The following VPS37A variants were observed in gnomAD, a reference collection of about 807,000 sequenced individuals.
VPS37A encodes the protein VPS37A subunit of ESCRT-I, also known as vacuolar protein sorting-associated protein 37A.
VPS37A carries 30 observed loss-of-function variants against 49.8 expected under a neutral mutation model. The ratio of observed to expected loss-of-function variants is 0.60; its 90% confidence interval spans 0.45 to 0.82. The LOEUF (loss-of-function observed/expected upper bound fraction) is 0.82, where lower values mean the gene tolerates loss of function less well. Ranked by LOEUF, VPS37A falls within the 40% of genes least tolerant of loss-of-function variation. The pLI is 0.00. For synonymous variants in VPS37A, 195 were observed against 160.6 expected (o/e 1.21, Z -1.62); for missense variants, 593 against 464.4 (o/e 1.28, Z -2.55).
intron 9 of VPS37A, among the ~76,000 whole-genome samples, chr8:17,282,991 T>G (rs1815231134): frequency 6.6e-6 from 1 of 152,332 alleles, no homozygotes; most frequent in Middle Eastern, 3.4e-3. Flanking sequence ...CTGGAAACTT[T>G]GGAAAATATG....
At chr8:17,257,993 A>C (rs578240195) in intron 1 of VPS37A, among the ~76,000 whole-genome samples, 1 of 152,216 alleles carries the variant, frequency 6.6e-6, no homozygotes, top group South Asian at 2.1e-4. Context: ...GTATCCTGCA[A>C]CTTTACTGAA....
intron 1 of VPS37A, among the ~76,000 whole-genome samples, chr8:17,258,728 C>T (rs768220792): frequency 6.6e-6 from 1 of 151,954 alleles, no homozygotes; most frequent in Non-Finnish European, 1.5e-5. Context: ...AATTCACCAG[C>T]GAAGCTATCA....
chr8:17,305,975 A>C, downstream of VPS37A: 1 of 1,585,336 alleles, frequency 6.3e-7, no homozygotes, highest in Non-Finnish European at 8.6e-7. Context: ...ACAAAGCATT[A>C]GAGACTTTTT....
chr8:17,273,258 A>C lies in VPS37A; in HGVS notation c.417-1475A>C, dbSNP rs185388053. ...GCCGTCAGTGCTGCTCCAGTAAATA[A>C]TCTTTAAAATAATATTTTACCCAAA... On this transcript the variant is annotated intron_variant, in intron 4 of 11. Transcript: ENST00000324849. Among the ~76,000 whole-genome samples the C allele has an allele frequency of 1.8e-3, 278 of 152,052 alleles. 2 individuals carry two copies. The highest frequency in any genetic ancestry group is 7.1e-3 in the Admixed American group (109 of 15,260).
intron 9 of VPS37A, among the ~76,000 whole-genome samples, chr8:17,282,836 C>T (rs542217681): frequency 3.3e-5 from 5 of 152,230 alleles, no homozygotes; most frequent in Admixed American, 6.5e-5. Flanking sequence ...GAATCTTCTG[C>T]GCTCTTACAT....
At chr8:17,308,002 C>G in the VPS37A span, among the ~76,000 whole-genome samples, 1 of 151,306 alleles carries the variant, frequency 6.6e-6, no homozygotes. Flanking sequence ...CAAACCTGCA[C>G]GTTGTGCACA....
chr8:17,258,838 G>C (rs1036922855), intron 1 of VPS37A, among the ~76,000 whole-genome samples: 5 of 152,010 alleles, frequency 3.3e-5, no homozygotes, highest in African/African-American at 1.2e-4. Context: ...TTTAATCTTA[G>C]TAGGTTGTAT....
At chr8:17,290,131 C>T (rs753565822) in intron 11 of VPS37A, among the ~76,000 whole-genome samples, 13 of 152,276 alleles carry the variant, frequency 8.5e-5, no homozygotes, top group African/African-American at 2.9e-4. Flanking sequence ...AATATACAAT[C>T]GGGTCATCTG....
At chr8:17,302,159 C>G (rs767059408), downstream of VPS37A, 2 of 1,613,986 alleles carry the variant, frequency 1.2e-6, no homozygotes, top group Non-Finnish European at 1.7e-6. Context: ...CTTACTTCTT[C>G]CAGGGCCTCT....
chr8:17,309,141 A>G, the VPS37A span: 1 of 634,826 alleles, frequency 1.6e-6, no homozygotes, highest in South Asian at 1.9e-5. Flanking sequence ...TATGACATAT[A>G]CAACAAAATT....
chr8:17,247,205 C>T lies in VPS37A; in HGVS notation c.-40C>T. ...GGCCGAGCCACTGGGAGAAGCAGGC[C>T]AGAGCCTTCCAGGGCCTCCGGCCCG... On this transcript the variant is annotated 5_prime_UTR_variant, in exon 1 of 12. Coordinates refer to ENST00000324849, the MANE Select transcript of VPS37A (RefSeq NM_152415.3). 1.3e-6 allele frequency: 2 copies of T among 1,558,584 alleles called. No individual in the cohort carries two copies. Among genetic ancestry groups the T allele is most frequent in the Non-Finnish European group, 1.7e-6 (2 of 1,151,296 alleles).
intron 1 of VPS37A, among the ~76,000 whole-genome samples, chr8:17,262,573 A>ATG (rs139230717): frequency 0.27 from 40,305 of 147,276 alleles, 5,808 homozygotes; most frequent in East Asian, 0.53. Context: ...ACTTTAAAGT[A>ATG]TGTGTGTGTG....
chr8:17,280,402 A>T lies in VPS37A; in HGVS notation c.928A>T (p.Thr310Ser), dbSNP rs773070587. 1 of 1,609,594 alleles carries T rather than the reference A, an allele frequency of 6.2e-7. No homozygotes were observed. The highest frequency in any genetic ancestry group is 8.5e-7 in the Non-Finnish European group (1 of 1,178,542). ...TGAATTACTTACACAGATGAAGTCC[A>T]CTTTCGAAAAGAAGATGCAAAGGCA... ...KYELLTQMKS[T>S]FEKKMQRQHE... Residue 310 changes from threonine to serine, a missense_variant, in exon 9 of 12, where the codon ACT becomes TCT. Coordinates refer to ENST00000324849, the MANE Select transcript of VPS37A (RefSeq NM_152415.3).
chr8:17,308,018 C>T, the VPS37A span, among the ~76,000 whole-genome samples: 1 of 150,374 alleles, frequency 6.7e-6, no homozygotes, highest in Non-Finnish European at 1.5e-5. Flanking sequence ...GCACATGTAC[C>T]CTAAAACAAA....
chr8:17,287,384 A>T (rs1263841059), intron 11 of VPS37A, among the ~76,000 whole-genome samples: 3 of 151,758 alleles, frequency 2.0e-5, no homozygotes, highest in Admixed American at 6.6e-5. Context: ...CTTTTTTAAA[A>T]TTTTTTCTGG....
chr8:17,267,939 T>G (rs181388959), intron 2 of VPS37A, among the ~76,000 whole-genome samples: 2 of 152,310 alleles, frequency 1.3e-5, no homozygotes, highest in Admixed American at 1.3e-4. Flanking sequence ...ATGCCTGATC[T>G]AATTTCTACC....
chr8:17,311,325 A>C, the VPS37A span, among the ~76,000 whole-genome samples: 1 of 152,188 alleles, frequency 6.6e-6, no homozygotes. Flanking sequence ...TCATCTCTTT[A>C]TTCCAAGCCT....
At chr8:17,330,236 A>G in the VPS37A span, among the ~76,000 whole-genome samples, 3 of 152,222 alleles carry the variant, frequency 2.0e-5, no homozygotes, top group Admixed American at 2.0e-4. Flanking sequence ...TGGAAAAAAT[A>G]ATTCAGCACC....
At chr8:17,255,256 G>T (rs1163523454) in intron 1 of VPS37A, among the ~76,000 whole-genome samples, 1 of 152,098 alleles carries the variant, frequency 6.6e-6, no homozygotes, top group East Asian at 1.9e-4. Context: ...TGAAGCGGGT[G>T]GATCGCCTGA....
Sources: allele counts gnomAD v4.1 joint callset (sites outside exome capture counted in the v4.1 genomes callset), GRCh38; gene constraint gnomAD v4.1.1; transcripts MANE v1.5; gene names NCBI Gene and HGNC (gene_info 2026-07-23, HGNC 2026-07-21).